LPA: variants seen among roughly 807,000 people sequenced by gnomAD.
LPA encodes apolipoprotein(a).
In LPA, 199 loss-of-function variants were observed where a neutral mutation model predicts 197.9. That is an observed-to-expected ratio of 1.01 (90% CI 0.90 to 1.13). The LOEUF (loss-of-function observed/expected upper bound fraction) is 1.13. Among genes scored for constraint, LPA ranks in the 50% most tolerant of loss-of-function variants. The pLI, the probability that LPA is intolerant of heterozygous loss-of-function variation, is 0.00. For synonymous variants in LPA, 715 were observed against 639.5 expected, an observed-to-expected ratio of 1.12 and a Z score of -1.78; for missense variants, 1,853 against 1,785.8, an observed-to-expected ratio of 1.04 and a Z score of -0.68.
chr6:160,588,852 G>C (rs1229387781), intron 24 of LPA, among the ~76,000 whole-genome samples: 1 of 152,146 alleles, frequency 6.6e-6, no homozygotes, highest in Non-Finnish European at 1.5e-5. Flanking sequence ...CCCTTTCTCA[G>C]TTCTCTCAAG....
At chr6:160,578,386 G>T in intron 27 of LPA, 137 bp downstream of exon 27, 1 of 1,072,998 alleles carries the variant, frequency 9.3e-7, no homozygotes, top group Non-Finnish European at 1.4e-6. Flanking sequence ...GGATCCCCCA[G>T]AGAGGGCGCT....
chr6:160,653,717 C>G (rs955142328), intron 1 of LPA, among the ~76,000 whole-genome samples: 1 of 150,372 alleles, frequency 6.7e-6, no homozygotes, highest in South Asian at 2.1e-4. Context: ...AAGAAAACTT[C>G]AAGCCAATAT....
At chr6:160,541,926 G>A (rs946682984) in intron 34 of LPA, among the ~76,000 whole-genome samples, 1 of 152,204 alleles carries the variant, frequency 6.6e-6, no homozygotes, top group Non-Finnish European at 1.5e-5. Context: ...GAAATGCGAT[G>A]CGATCAGGTT....
intron 28 of LPA, among the ~76,000 whole-genome samples, chr6:160,575,110 G>C (rs985744130): frequency 6.6e-6 from 1 of 151,912 alleles, no homozygotes; most frequent in African/African-American, 2.4e-5. Context: ...ATTTAACCAA[G>C]AAGATTTGCC....
chr6:160,545,107 A>G (rs1778044281), intron 33 of LPA, among the ~76,000 whole-genome samples: 1 of 151,792 alleles, frequency 6.6e-6, no homozygotes, highest in Admixed American at 6.6e-5. Flanking sequence ...ATGACTCTAA[A>G]TTTGTTTTTC....
At chr6:160,653,616 T>TCAAG (rs1045248227) in intron 1 of LPA, among the ~76,000 whole-genome samples, 3 of 151,832 alleles carry the variant, frequency 2.0e-5, no homozygotes, top group African/African-American at 7.3e-5. Flanking sequence ...AGAGCTGATA[T>TCAAG]CAAGCCTCCT....
chr6:160,653,983 TATATAA>T (rs1780060893), intron 1 of LPA, among the ~76,000 whole-genome samples: 2 of 14,900 alleles, frequency 1.3e-4, no homozygotes, highest in African/African-American at 2.4e-4. Context: ...TAATATATAA[TATATAA>T]TATATATTAT....
At chr6:160,599,885 T>A (rs1779205483) in intron 19 of LPA, among the ~76,000 whole-genome samples, 1 of 152,158 alleles carries the variant, frequency 6.6e-6, no homozygotes, top group African/African-American at 2.4e-5. Flanking sequence ...CATGTAAAAC[T>A]TAGTGGAAAA....
chr6:160,603,312 G>A (rs1455446084), intron 18 of LPA, among the ~76,000 whole-genome samples: 1 of 151,654 alleles, frequency 6.6e-6, no homozygotes. Context: ...ATATGTGTGT[G>A]TCATTTGTGT....
At position 160,534,885 on chromosome 6, in the gene LPA, T is replaced by G. The variant is rs115770762; in HGVS notation, c.5843-2236A>C. Among the ~76,000 whole-genome samples the G allele has an allele frequency of 9.6e-3, 1,456 of 152,158 alleles. 25 individuals carry two copies. The highest frequency in any genetic ancestry group is 0.033 in the African/African-American group (1,366 of 41,494). On this transcript the variant is annotated intron_variant, in intron 37 of 38. Transcript: ENST00000316300. ...TACACCCTGGTTATGTGATGTTTAT[T>G]TATGATGATGGTGGTGATGATTAAA...
intron 1 of LPA, among the ~76,000 whole-genome samples, chr6:160,655,811 G>A (rs1241207318): frequency 6.6e-6 from 1 of 152,090 alleles, no homozygotes; most frequent in African/African-American, 2.4e-5. Flanking sequence ...TGAATGTAAT[G>A]GACCAGTGTT....
In LPA at chr6:160,601,017, C is replaced by A. The variant is rs868567160; in HGVS notation, c.3027G>T (p.Trp1009Cys). Residue 1009 changes from tryptophan to cysteine, a missense_variant, in exon 19 of 39, where the codon TGG becomes TGT. Transcript: ENST00000316300. ...AGCATCGTGTCAGGTTGCAGTACTC[C>A]CACCTGACACTGGGATCTGTTGTAT... ...WCYTTDPSVR[W>C]EYCNLTRCSD... 6.2e-7 allele frequency: 1 copy of A among 1,614,064 alleles called. No homozygotes were observed. Among genetic ancestry groups the A allele is most frequent in the Admixed American group, 1.7e-5 (1 of 60,022 alleles).
intron 1 of LPA, among the ~76,000 whole-genome samples, chr6:160,655,101 C>T (rs566306225): frequency 6.6e-6 from 1 of 152,352 alleles, no homozygotes; most frequent in South Asian, 2.1e-4. Context: ...TGCCGCTGTG[C>T]TGACCCACTT....
intron 18 of LPA, among the ~76,000 whole-genome samples, chr6:160,601,396 T>C (rs1286537594): frequency 6.6e-6 from 1 of 152,200 alleles, no homozygotes; most frequent in Non-Finnish European, 1.5e-5. Context: ...CCTTCTGCCT[T>C]CTGCCCAATC....
chr6:160,545,317 G>A (rs1246999716), intron 33 of LPA, 123 bp downstream of exon 33: 1 of 708,492 alleles, frequency 1.4e-6, no homozygotes, highest in Non-Finnish European at 2.5e-6. Flanking sequence ...CTCTGGTGGA[G>A]AGGGCAGCCA....
intron 28 of LPA, among the ~76,000 whole-genome samples, chr6:160,566,635 A>C (rs1778459734): frequency 2.0e-5 from 3 of 152,250 alleles, no homozygotes; most frequent in African/African-American, 7.2e-5. Flanking sequence ...AAATTCACAC[A>C]TAAAAATATT....
At chr6:160,566,867 T>A (rs541281483) in intron 28 of LPA, among the ~76,000 whole-genome samples, 38 of 152,248 alleles carry the variant, frequency 2.5e-4, no homozygotes, top group Non-Finnish European at 4.6e-4. Context: ...AAACAGACTT[T>A]AAACTAACAA....
At chr6:160,532,285 G>C (rs959531014) in intron 38 of LPA, among the ~76,000 whole-genome samples, 2 of 152,120 alleles carry the variant, frequency 1.3e-5, no homozygotes, top group Admixed American at 1.3e-4. Context: ...AGGAAGGTGA[G>C]TGGCCTGAGG....
At chr6:160,557,644 T>G in intron 28 of LPA, 73 bp from the exon 29 acceptor site, 1 of 1,333,554 alleles carries the variant, frequency 7.5e-7, no homozygotes, top group Non-Finnish European at 1.1e-6. Context: ...TGTCTAAACT[T>G]TGTTATAACA....
Sources: gnomAD v4.1 joint callset for allele counts (sites outside exome capture counted in the v4.1 genomes callset) on GRCh38, gnomAD v4.1.1 for gene constraint, MANE v1.5 for transcripts, NCBI Gene and HGNC (gene_info 2026-07-23, HGNC 2026-07-21) for gene names.